The following SNTG2 variants were observed in gnomAD, a reference collection of about 807,000 sequenced individuals.
SNTG2 encodes gamma-2-syntrophin.
Under a neutral mutation model 70.9 loss-of-function variants are expected in SNTG2, and 74 were observed. The ratio of observed to expected loss-of-function variants is 1.04; its 90% CI spans 0.86 to 1.27. The LOEUF (loss-of-function observed/expected upper bound fraction) is 1.27, where lower values mean the gene tolerates loss of function less well. SNTG2 is among the 50% of genes most tolerant of loss of function. SNTG2 has a pLI of 0.00. For synonymous variants in SNTG2, 278 were observed against 273.8 expected (o/e 1.02, Z -0.15); for missense variants, 717 against 690.7 (o/e 1.04, Z -0.43).
chr2:968,311 C>T (rs1660634780), intron 1 of SNTG2, among the ~76,000 whole-genome samples: 1 of 133,546 alleles, frequency 7.5e-6, no homozygotes, highest in African/African-American at 3.0e-5. Context: ...TCTATAGGTT[C>T]TGTGGTGATG....
intron 1 of SNTG2, among the ~76,000 whole-genome samples, chr2:1,028,593 A>G (rs1483549628): frequency 6.6e-6 from 1 of 152,204 alleles, no homozygotes; most frequent in Non-Finnish European, 1.5e-5. Context: ...TGAAAGGTCC[A>G]GAAACCCTCT....
intron 14 of SNTG2, among the ~76,000 whole-genome samples, chr2:1,269,284 C>G (rs573249070): frequency 6.6e-6 from 1 of 152,074 alleles, no homozygotes; most frequent in Admixed American, 6.6e-5. Context: ...AAAGAGGATC[C>G]CTTGAGCCTC....
chr2:1,157,572 G>A (rs1425034364), intron 6 of SNTG2, among the ~76,000 whole-genome samples: 1 of 152,228 alleles, frequency 6.6e-6, no homozygotes, highest in Non-Finnish European at 1.5e-5. Flanking sequence ...GGGTTTCAAT[G>A]TTGAAAGGAT....
chr2:1,255,862 A>AT (rs1491115584), intron 12 of SNTG2, among the ~76,000 whole-genome samples: 2 of 44,428 alleles, frequency 4.5e-5, no homozygotes, highest in African/African-American at 2.5e-4. Flanking sequence ...AAATATATAT[A>AT]AATATATATA....
intron 8 of SNTG2, among the ~76,000 whole-genome samples, chr2:1,187,725 A>G (rs1256668408): frequency 7.9e-5 from 12 of 152,188 alleles, no homozygotes; most frequent in African/African-American, 2.9e-4. Context: ...GCAAGCAGAG[A>G]TCATTTCCAA....
At chr2:1,044,329 A>G (rs1661605721) in intron 1 of SNTG2, among the ~76,000 whole-genome samples, 1 of 152,180 alleles carries the variant, frequency 6.6e-6, no homozygotes. Flanking sequence ...TTTTCTAGAT[A>G]TAAAATCATA....
chr2:1,105,027 A>C (rs1666024431), intron 4 of SNTG2, among the ~76,000 whole-genome samples: 1 of 152,194 alleles, frequency 6.6e-6, no homozygotes, highest in South Asian at 2.1e-4. Flanking sequence ...CCATCCACCC[A>C]CTGGAACCGG....
rs541764224 is a variant in SNTG2, at chr2:1,326,158, C to T, written c.1488+9783C>T. ...GGCATATCAGATTTTTTAAAGACAT[C>T]TTATACAATTTTGGTACATATATTT... On this transcript the variant is annotated intron_variant, in intron 16 of 16. Transcript: ENST00000308624. 6.6e-5 allele frequency among the ~76,000 whole-genome samples: 10 copies of T among 152,238 alleles called. No homozygotes were observed. In the South Asian group the frequency reaches 2.1e-3, roughly 32 times the overall value.
intron 4 of SNTG2, among the ~76,000 whole-genome samples, chr2:1,113,261 G>T (rs1457099225): frequency 1.3e-5 from 2 of 151,814 alleles, no homozygotes; most frequent in Non-Finnish European, 2.9e-5. Context: ...ACTAAGTGAG[G>T]TTTAACCCTT....
Position 1,166,428 on chromosome 2 carries a change from C to T in SNTG2, c.499+793C>T, listed in dbSNP as rs80103313. Among the ~76,000 whole-genome samples the T allele has an allele frequency of 1.7e-3, 264 of 152,280 alleles. 1 individual carries two copies. Among genetic ancestry groups the T allele is most frequent in the African/African-American group, 5.9e-3 (246 of 41,566 alleles). On this transcript the variant is annotated intron_variant, in intron 7 of 16. Transcript: ENST00000308624. ...CCTGTCACTCTCTCATGGGAAGGAA[C>T]AGCTTCCCTCCCTGGGGGTTCATAT...
At chr2:1,083,444 G>A (rs4971429) in intron 1 of SNTG2, 74 bp from the exon 2 acceptor site, 894,892 of 1,513,966 alleles carry the variant, frequency 0.59, 266,522 homozygotes, top group East Asian at 0.66. Flanking sequence ...TGAGCAGGAG[G>A]CGTGCGTCAC....
chr2:1,266,752 T>TTTTTTTTTC lies in SNTG2; in HGVS notation c.1078-605_1078-604insCTTTTTTTT, dbSNP rs1553375859. On this transcript the variant is annotated intron_variant, in intron 13 of 16. Coordinates refer to ENST00000308624, the MANE Select transcript of SNTG2 (RefSeq NM_018968.4). Reference sequence around the variant, plus strand: ...ATGTCTCAAGACTTTCATCTTTATCTTTTTTTTTTTTTTCTTGAGACAGGG... The same window carrying TTTTTTTTTC: ...ATGTCTCAAGACTTTCATCTTTATCTTTTTTTTTCTTTTTTTTTTTTTCTTGAGACAGGG... 3.2e-3 allele frequency among the ~76,000 whole-genome samples: 5 copies of TTTTTTTTTC among 1,586 alleles called. No homozygotes were observed. The Admixed American group carries it at 0.039, about 12-fold the overall frequency. The allele number at this position is 1,586 out of a possible 152,430, so 1.0% of individuals were successfully genotyped here. A position where few individuals can be genotyped will look rare whatever the true frequency, so the allele number is the denominator to read the frequency against.
intron 14 of SNTG2, among the ~76,000 whole-genome samples, chr2:1,307,968 T>G (rs1680783216): frequency 6.6e-6 from 1 of 152,208 alleles, no homozygotes; most frequent in Non-Finnish European, 1.5e-5. Flanking sequence ...GTGACCGATG[T>G]AGTTTTTGTT....
At chr2:1,059,589 C>T (rs1298666127) in intron 1 of SNTG2, among the ~76,000 whole-genome samples, 3 of 152,028 alleles carry the variant, frequency 2.0e-5, no homozygotes, top group African/African-American at 4.8e-5. Flanking sequence ...CATCTAAATA[C>T]GTTTTTTTAT....
chr2:1,072,015 C>G (rs1663592259), intron 1 of SNTG2, among the ~76,000 whole-genome samples: 1 of 152,062 alleles, frequency 6.6e-6, no homozygotes, highest in African/African-American at 2.4e-5. Context: ...TTATGAGGTT[C>G]AAGGAAAGAA....
intron 1 of SNTG2, among the ~76,000 whole-genome samples, chr2:1,039,349 C>T (rs530966536): frequency 4.6e-5 from 7 of 152,252 alleles, no homozygotes; most frequent in East Asian, 3.9e-4. Flanking sequence ...AGCAGGTAGA[C>T]GTCTATTTTA....
chr2:1,145,920 T>C (rs7604717), intron 6 of SNTG2, among the ~76,000 whole-genome samples: 55,936 of 152,046 alleles, frequency 0.37, 11,128 homozygotes, highest in East Asian at 0.83. Flanking sequence ...TAATGTAATT[T>C]ATCACATTAA....
intron 9 of SNTG2, among the ~76,000 whole-genome samples, chr2:1,222,129 C>CTGTCTCTG (rs1209807504): frequency 2.0e-5 from 2 of 97,850 alleles, no homozygotes; most frequent in African/African-American, 7.6e-5. Context: ...CTCTCTGTCT[C>CTGTCTCTG]TCTCTGTCTC....
intron 14 of SNTG2, among the ~76,000 whole-genome samples, chr2:1,304,722 C>G (rs1219342697): frequency 9.9e-6 from 1 of 101,260 alleles, no homozygotes; most frequent in Non-Finnish European, 2.0e-5. Context: ...GCGAAACTCT[C>G]TCTCTCAAAA....
Sources: allele counts gnomAD v4.1 joint callset (sites outside exome capture counted in the v4.1 genomes callset), GRCh38; gene constraint gnomAD v4.1.1; transcripts MANE v1.5; gene names NCBI Gene and HGNC (gene_info 2026-07-23, HGNC 2026-07-21).